The following USP36 variants were observed in gnomAD, a reference collection of about 807,000 sequenced individuals.
USP36 encodes the protein ubiquitin specific peptidase 36.
Under a neutral mutation model 111.5 loss-of-function variants are expected in USP36, and 59 were observed. The observed-to-expected ratio is 0.53, with a 90% CI of 0.43 to 0.66. The LOEUF (loss-of-function observed/expected upper bound fraction) is 0.66. Ranked by LOEUF, USP36 falls within the 30% of genes least tolerant of loss-of-function variation. The pLI, the probability that USP36 is intolerant of heterozygous loss-of-function variation, is 0.00. For missense variants in USP36, 1,488 were observed against 1,468.0 expected, an observed-to-expected ratio of 1.01 and a Z score of -0.22; for synonymous variants, 628 against 581.0, an observed-to-expected ratio of 1.08 and a Z score of -1.16.
chr17:78,816,158 ATT>A (rs200263600), intron 10 of USP36, among the ~76,000 whole-genome samples: 5 of 143,216 alleles, frequency 3.5e-5, no homozygotes, highest in Admixed American at 1.4e-4. Context: ...CATACGCATA[ATT>A]TTTTTTTTTT....
chr17:78,799,874 TGCC>T, intron 17 of USP36, 106 bp from the exon 18 acceptor site: 3 of 396,894 alleles, frequency 7.6e-6, no homozygotes, highest in South Asian at 8.5e-5. Flanking sequence ...AGTGGATGCT[TGCC>T]TTTTTTTTTT....
At chr17:78,814,268 CAG>C (rs1471704657) in intron 11 of USP36, 142 bp downstream of exon 11, 3 of 1,141,210 alleles carry the variant, frequency 2.6e-6, no homozygotes, top group Non-Finnish European at 3.6e-6. Context: ...TCACTCCACG[CAG>C]AGAGGCAACA....
chr17:78,827,226 T>TGGGGGGGGG lies in USP36; in HGVS notation c.689+18_689+19insCCCCCCCCC. On this transcript the variant is annotated intron_variant, in intron 6 of 20. Transcript: ENST00000449938. ...AAAGGTGTCCAAAGCCCTGGGAGGGTGGGTGGGGAAGCACGCACTTGGCAC... is the reference window on the plus strand; with the variant it reads ...AAAGGTGTCCAAAGCCCTGGGAGGGTGGGGGGGGGGGGTGGGGAAGCACGCACTTGGCAC... The TGGGGGGGGG allele has an allele frequency of 9.7e-6, 6 of 619,292 alleles. No homozygotes were observed. The highest frequency in any genetic ancestry group is 6.7e-5 in the South Asian group (2 of 29,848). 38.4% of individuals were successfully genotyped at this position (619,292 alleles called of 1,614,324 possible).
intron 6 of USP36, among the ~76,000 whole-genome samples, chr17:78,825,693 T>G (rs2067471951): frequency 6.6e-6 from 1 of 152,170 alleles, no homozygotes; most frequent in African/African-American, 2.4e-5. Flanking sequence ...TAGACTCTGG[T>G]TAATTGGACT....
intron 13 of USP36, among the ~76,000 whole-genome samples, chr17:78,808,144 T>C (rs961413707): frequency 6.6e-6 from 1 of 152,242 alleles, no homozygotes; most frequent in Non-Finnish European, 1.5e-5. Context: ...TTCTAGTGCT[T>C]TCTTTTTTCA....
In USP36 at chr17:78,807,230, A is replaced by G; in HGVS notation, c.1814T>C (p.Leu605Pro). The G allele has an allele frequency of 2.5e-6, 4 of 1,613,998 alleles. No individual in the cohort carries two copies. The highest frequency in any genetic ancestry group is 3.4e-6 in the Non-Finnish European group (4 of 1,179,972). The stretch of plus-strand genomic sequence containing the variant: ...GGAGCTGCTGGAGCCCCTCCTGTCG[A>G]GGCCAGCGCTCTCGTCGTTCCCCTT... Reference protein sequence around the residue: ...GLKGNDESAGLDRRGSSSSSP... With the variant: ...GLKGNDESAGPDRRGSSSSSP... Residue 605 changes from leucine to proline, a missense_variant, in exon 14 of 21, where the codon CTC becomes CCC. By Grantham distance (98) the Leu-to-Pro change is moderately conservative (BLOSUM62 -3). Coordinates refer to ENST00000449938, the MANE Select transcript of USP36 (RefSeq NM_001385174.1).
chr17:78,828,884 G>C lies in USP36; in HGVS notation c.586+13C>G. The C allele has an allele frequency of 6.2e-7, 1 of 1,612,588 alleles. No individual in the cohort carries two copies. The highest frequency in any genetic ancestry group is 8.5e-7 in the Non-Finnish European group (1 of 1,179,050). ...AATAAATCACAAAAATTTTAACATG[G>C]ATTGATGCTTACTTTTCAGGTCTCG... On this transcript the variant is annotated intron_variant, in intron 5 of 20. Coordinates refer to ENST00000449938, the MANE Select transcript of USP36 (RefSeq NM_001385174.1).
At chr17:78,805,615 C>T (rs750640936) in intron 15 of USP36, among the ~76,000 whole-genome samples, 13 of 152,206 alleles carry the variant, frequency 8.5e-5, no homozygotes, top group East Asian at 3.9e-4. Context: ...ACCTAAGAGA[C>T]GCAGGCAGCC....
At chr17:78,840,149 G>A (rs911946197) in intron 1 of USP36, among the ~76,000 whole-genome samples, 1 of 152,150 alleles carries the variant, frequency 6.6e-6, no homozygotes, top group Admixed American at 6.5e-5. Flanking sequence ...ATGGCTCCGT[G>A]GCGAGCGTTA....
chr17:78,829,624 T>C lies in USP36; in HGVS notation c.476-617A>G, dbSNP rs11658295. Reference sequence around the variant, plus strand: ...GTAGAGGAGGCAGCCATAGACAATATATGAACAATGGGGTATGAACGTGTT... The same window carrying C: ...GTAGAGGAGGCAGCCATAGACAATACATGAACAATGGGGTATGAACGTGTT... On this transcript the variant is annotated intron_variant, in intron 4 of 20. Transcript: ENST00000449938. 3.3e-3 allele frequency among the ~76,000 whole-genome samples: 500 copies of C among 152,302 alleles called. 3 individuals are homozygous for C. Among genetic ancestry groups the C allele is most frequent in the Non-Finnish European group, 5.5e-3 (372 of 68,026 alleles).
rs1273233809 is a variant in USP36, at chr17:78,803,690, C to T, written c.2505G>A (p.Glu835=). Residue 835 remains glutamate (E), a synonymous_variant, in exon 16 of 21, where the codon GAG becomes GAA. Coordinates refer to ENST00000449938, the MANE Select transcript of USP36 (RefSeq NM_001385174.1). The surrounding 1 kb of genome is among the most constrained non-coding windows in gnomAD (Gnocchi z 4.6). ...SETRLPQHIR[E]ATAAPHGKRK... is the part of the protein sequence containing the mutation. ...TCTTCCCGTGGGGAGCCGCAGTGGC[C>T]TCCCTGATGTGCTGTGGGAGGCGCG... 1.9e-5 allele frequency: 31 copies of T among 1,611,014 alleles called. No homozygotes were observed. The highest frequency in any genetic ancestry group is 2.5e-5 in the Non-Finnish European group (29 of 1,179,670).
rs1165992529 is a variant in USP36 at position 78,820,994 on chromosome 17, G to C, written c.825C>G (p.Ile275Met). 6.2e-7 allele frequency: 1 copy of C among 1,608,076 alleles called. No individual in the cohort carries two copies. The highest frequency in any genetic ancestry group is 2.2e-5 in the East Asian group (1 of 44,718). ...GAAGGGCAGGACAGATCTGTACCCGGATCTCCAGCGCGACGTCCAAGTAGG... is the reference window on the plus strand; with the variant it reads ...GAAGGGCAGGACAGATCTGTACCCGCATCTCCAGCGCGACGTCCAAGTAGG... Reference protein sequence around the residue: ...YDPYLDVALEIRQAANIVRAL... With the variant: ...YDPYLDVALEMRQAANIVRAL... The change falls in exon 8 of 21, where the codon ATC (isoleucine) becomes ATG (methionine). Residue 275 changes from isoleucine (I) to methionine (M), a missense_variant. Physicochemically the swap from Ile to Met is conservative, Grantham distance 10. This residue lies in a region of USP36 where 196 missense variants were observed against 264.4 expected (regional missense o/e 0.74). Transcript: ENST00000449938.
chr17:78,811,130 CAAA>C (rs969048033), intron 13 of USP36, among the ~76,000 whole-genome samples: 2 of 28,348 alleles, frequency 7.1e-5, no homozygotes, highest in African/African-American at 1.3e-4. Context: ...GACTCTGTCT[CAAA>C]AAAAAAAAAA....
chr17:78,807,199 TG>T lies in USP36; in HGVS notation c.1844del (p.Pro615GlnfsTer49). ...TGGAGTCGCTGCTGGCCGAGTGCTCTGGGCTGGAGCTGCTGGAGCCCCTCCT... is the reference window on the plus strand; with the variant it reads ...TGGAGTCGCTGCTGGCCGAGTGCTCTGGCTGGAGCTGCTGGAGCCCCTCCT... ...LDRRGSSSSS[P>X]EHSASSDSTK... On this transcript the variant is annotated frameshift_variant, in exon 14 of 21. Coordinates refer to ENST00000449938, the MANE Select transcript of USP36 (RefSeq NM_001385174.1). LOFTEE classifies it high-confidence loss of function. 6.2e-7 allele frequency: 1 copy of T among 1,614,132 alleles called. No individual in the cohort carries two copies. Among genetic ancestry groups the T allele is most frequent in the Non-Finnish European group, 8.5e-7 (1 of 1,179,992 alleles).
At chr17:78,800,969 ATTTTTTTTTT>A (rs746497209) in intron 17 of USP36, among the ~76,000 whole-genome samples, 2 of 97,216 alleles carry the variant, frequency 2.1e-5, no homozygotes, top group African/African-American at 4.1e-5. Flanking sequence ...TTAGGGCAGT[ATTTTTTTTTT>A]TTTTTTTTTT....
At chr17:78,827,437 T>G in intron 5 of USP36, 90 bp from the exon 6 acceptor site, 1 of 1,283,008 alleles carries the variant, frequency 7.8e-7, no homozygotes, top group Non-Finnish European at 1.1e-6. Context: ...TCCTGGCTGT[T>G]ATAAGGGGAA....
rs776081674 is a variant in USP36 at position 78,818,790 on chromosome 17, G to T, written c.912-12C>A. On this transcript the variant is annotated splice_polypyrimidine_tract_variant and intron_variant, in intron 9 of 20. Coordinates refer to ENST00000449938, the MANE Select transcript of USP36 (RefSeq NM_001385174.1). ...CCTTCTTCTTGCATCTATGAAGAAGGTGATGAGAAAGATTAATGAATGATT... is the reference window on the plus strand; with the variant it reads ...CCTTCTTCTTGCATCTATGAAGAAGTTGATGAGAAAGATTAATGAATGATT... 3.7e-6 allele frequency: 6 copies of T among 1,612,914 alleles called. No individual in the cohort carries two copies. The South Asian group carries it at 6.6e-5, about 18-fold the overall frequency.
At chr17:78,787,844 T>C (rs2093548389) in intron 3 of USP36, among the ~76,000 whole-genome samples, 1 of 152,146 alleles carries the variant, frequency 6.6e-6, no homozygotes, top group African/African-American at 2.4e-5. Context: ...ATCATTAGGG[T>C]GGGACCTAAT....
intron 17 of USP36, among the ~76,000 whole-genome samples, chr17:78,800,813 G>A (rs1190375715): frequency 6.6e-6 from 1 of 152,168 alleles, no homozygotes; most frequent in Non-Finnish European, 1.5e-5. Flanking sequence ...AGGGAGCCCC[G>A]AGGGCCCAGG....
Sources: gnomAD v4.1 joint callset for allele counts (sites outside exome capture counted in the v4.1 genomes callset) on GRCh38, gnomAD v4.1.1 for gene constraint, gnomAD v4.1.1 regional missense constraint, Gnocchi (gnomAD v3.1) non-coding constraint, MANE v1.5 for transcripts, NCBI Gene and HGNC (gene_info 2026-07-23, HGNC 2026-07-21) for gene names.